ZNF782: variants seen among roughly 807,000 people sequenced by gnomAD.
ZNF782 encodes the protein zinc finger protein 782.
ZNF782 carries 12 observed loss-of-function variants against 13.0 expected under a neutral mutation model. The observed-to-expected ratio is 0.92, with a 90% CI of 0.59 to 1.50. The LOEUF (loss-of-function observed/expected upper bound fraction) is 1.50. ZNF782 is among the 40% of genes most tolerant of loss of function. The probability of loss-of-function intolerance (pLI) is 0.00; values close to 1 mark genes in which losing one functional copy is unlikely to be tolerated. For missense variants in ZNF782, 770 were observed against 822.9 expected (o/e 0.94, Z 0.79); for synonymous variants, 284 against 283.0 (o/e 1.00, Z -0.04).
At chr9:96,886,170 T>C in the ZNF782 span, among the ~76,000 whole-genome samples, 1 of 147,502 alleles carries the variant, frequency 6.8e-6, no homozygotes, top group South Asian at 2.1e-4. Flanking sequence ...TCTGAAACCC[T>C]GGAGCTGGAA....
upstream of ZNF782, among the ~76,000 whole-genome samples, chr9:96,858,521 C>T (rs538240588): frequency 1.3e-5 from 2 of 152,282 alleles, no homozygotes; most frequent in East Asian, 1.9e-4. This position sits in a 1 kb window ranked among gnomAD's most constrained non-coding sequence, Gnocchi z 4.4. Context: ...GGCCTCATGA[C>T]TGCTGTAAAG....
At chr9:96,866,825 G>A (rs1212369223) in intron 1 of ZNF782, among the ~76,000 whole-genome samples, 1 of 152,238 alleles carries the variant, frequency 6.6e-6, no homozygotes, top group Admixed American at 6.5e-5. Context: ...GGAGTCAAAG[G>A]AGATCACTCT....
At chr9:96,822,700 A>G (rs78257074) in intron 5 of ZNF782, among the ~76,000 whole-genome samples, 2 of 152,190 alleles carry the variant, frequency 1.3e-5, no homozygotes, top group Non-Finnish European at 2.9e-5. Flanking sequence ...AAACAAGTAC[A>G]TAAGACTAAT....
At chr9:96,830,971 T>C (rs771249772) in intron 4 of ZNF782, among the ~76,000 whole-genome samples, 7 of 152,102 alleles carry the variant, frequency 4.6e-5, no homozygotes, top group East Asian at 3.9e-4. Flanking sequence ...AAATAATCCA[T>C]GAATTTTAAT....
intron 1 of ZNF782, among the ~76,000 whole-genome samples, chr9:96,874,137 G>T (rs979713260): frequency 2.0e-5 from 3 of 152,086 alleles, no homozygotes; most frequent in African/African-American, 7.2e-5. Flanking sequence ...CAATACAAAA[G>T]AACAAGCTAC....
At chr9:96,865,182 A>T (rs1851742242) in intron 1 of ZNF782, among the ~76,000 whole-genome samples, 1 of 152,230 alleles carries the variant, frequency 6.6e-6, no homozygotes, top group Non-Finnish European at 1.5e-5. Flanking sequence ...CCAGGGTGAC[A>T]GATGCTGAAC....
the ZNF782 span, among the ~76,000 whole-genome samples, chr9:96,884,992 C>T: frequency 6.6e-6 from 1 of 151,646 alleles, no homozygotes; most frequent in Non-Finnish European, 1.5e-5. Context: ...TGTTTTCAGG[C>T]AACTATCAAA....
intron 1 of ZNF782, among the ~76,000 whole-genome samples, chr9:96,871,524 G>T (rs1297178324): frequency 1.3e-5 from 2 of 152,098 alleles, no homozygotes; most frequent in Non-Finnish European, 1.5e-5. Context: ...CTATCGTCAA[G>T]AAGGACTGAA....
At chr9:96,820,223 G>A (rs1200391697) in intron 5 of ZNF782, among the ~76,000 whole-genome samples, 2 of 152,282 alleles carry the variant, frequency 1.3e-5, no homozygotes, top group Middle Eastern at 3.4e-3. Context: ...AGGGAGTAAC[G>A]CTAGTCTAGA....
chr9:96,873,382 A>T (rs534292008), intron 1 of ZNF782, among the ~76,000 whole-genome samples: 5 of 152,322 alleles, frequency 3.3e-5, no homozygotes, highest in Non-Finnish European at 5.9e-5. Context: ...GGAGAGGGGC[A>T]CTGGACATAA....
At chr9:96,835,744 T>C (rs1371731854) in intron 4 of ZNF782, among the ~76,000 whole-genome samples, 1 of 152,170 alleles carries the variant, frequency 6.6e-6, no homozygotes, top group Admixed American at 6.5e-5. Context: ...AGGTGTGTGT[T>C]ACTCCACTGA....
chr9:96,907,857 TCTCGAA>T, the ZNF782 span, among the ~76,000 whole-genome samples: 1 of 151,634 alleles, frequency 6.6e-6, no homozygotes, highest in Non-Finnish European at 1.5e-5. Flanking sequence ...GCCAGGCTGG[TCTCGAA>T]CTCTTGACCT....
intron 3 of ZNF782, among the ~76,000 whole-genome samples, chr9:96,848,089 C>G (rs529581203): frequency 3.3e-5 from 5 of 152,066 alleles, no homozygotes; most frequent in African/African-American, 4.8e-5. Context: ...TCAGTAGATG[C>G]AGAAAAAACA....
At chr9:96,861,570 C>T (rs1423725696) in exon 2 of ZNF782, 1 of 154,116 alleles carries the variant, frequency 6.5e-6, no homozygotes, top group African/African-American at 2.4e-5. Context: ...GTGATTGTGC[C>T]ACTGCACTCC....
At chr9:96,824,265 A>C (rs1850525768) in intron 5 of ZNF782, among the ~76,000 whole-genome samples, 1 of 151,614 alleles carries the variant, frequency 6.6e-6, no homozygotes, top group African/African-American at 2.4e-5. Context: ...CAAATCAATA[A>C]ATGTGATCCA....
chr9:96,931,832 C>T, the ZNF782 span: 72 of 1,612,264 alleles, frequency 4.5e-5, no homozygotes, highest in Non-Finnish European at 5.8e-5. Context: ...CAGGCCGCCC[C>T]TCGTGACTGC....
chr9:96,886,688 C>T, the ZNF782 span, among the ~76,000 whole-genome samples: 14 of 152,014 alleles, frequency 9.2e-5, no homozygotes, highest in South Asian at 2.1e-4. Flanking sequence ...TTTGGGAGGC[C>T]GAGGCAGGTG....
At chr9:96,859,890 C>T (rs980105222) in intron 3 of ZNF782, among the ~76,000 whole-genome samples, 5 of 152,196 alleles carry the variant, frequency 3.3e-5, no homozygotes, top group Non-Finnish European at 7.3e-5. Context: ...GGGGAGCCCA[C>T]TGTCCTGAAG....
At chr9:96,883,538 G>A in the ZNF782 span, among the ~76,000 whole-genome samples, 3 of 152,120 alleles carry the variant, frequency 2.0e-5, no homozygotes, top group Non-Finnish European at 2.9e-5. Context: ...AGGGACGGAG[G>A]AGAATAAAGG....
Sources: allele counts gnomAD v4.1 joint callset (sites outside exome capture counted in the v4.1 genomes callset), GRCh38; gene constraint gnomAD v4.1.1; non-coding constraint Gnocchi (gnomAD v3.1); transcripts MANE v1.5; gene names NCBI Gene and HGNC (gene_info 2026-07-23, HGNC 2026-07-21).